The following TCF7L2 variants were observed in gnomAD, a reference collection of about 807,000 sequenced individuals.
TCF7L2 encodes transcription factor 7-like 2.
In TCF7L2, 23 loss-of-function variants were observed where a neutral mutation model predicts 77.9. The observed-to-expected ratio is 0.30, with a 90% CI of 0.21 to 0.42. TCF7L2 has a LOEUF of 0.42. Ranked by LOEUF, TCF7L2 falls within the 10% of genes least tolerant of loss-of-function variation. TCF7L2 has a pLI of 1.00. For missense variants in TCF7L2, 654 were observed against 793.1 expected (o/e 0.82, Z 2.11); for synonymous variants, 413 against 340.2 (o/e 1.21, Z -2.36).
intron 4 of TCF7L2, among the ~76,000 whole-genome samples, chr10:113,026,518 T>A (rs963460701): frequency 6.6e-5 from 10 of 152,150 alleles, no homozygotes; most frequent in African/African-American, 2.4e-4. Flanking sequence ...AGCTCCACAA[T>A]GGTGAATCAG....
At chr10:113,104,794 G>A (rs1442917112) in intron 5 of TCF7L2, among the ~76,000 whole-genome samples, 1 of 152,152 alleles carries the variant, frequency 6.6e-6, no homozygotes, top group African/African-American at 2.4e-5. Context: ...CTGGCTGTCT[G>A]GGGTCTTGGG....
intron 5 of TCF7L2, among the ~76,000 whole-genome samples, chr10:113,082,597 TTGTG>T (rs61608659): frequency 8.8e-4 from 132 of 150,002 alleles, no homozygotes; most frequent in African/African-American, 2.3e-3. Context: ...TTCATTCTGC[TTGTG>T]TGTGTGTGTG....
At chr10:112,997,377 C>T (rs2043665563) in intron 4 of TCF7L2, among the ~76,000 whole-genome samples, 3 of 152,174 alleles carry the variant, frequency 2.0e-5, no homozygotes, top group Admixed American at 1.3e-4. Flanking sequence ...AGGTTTGGAG[C>T]GGTTTTTGGT....
chr10:112,960,804 C>T (rs1264298094), intron 3 of TCF7L2, among the ~76,000 whole-genome samples: 3 of 151,958 alleles, frequency 2.0e-5, no homozygotes, highest in African/African-American at 7.3e-5. Context: ...TCTCCTGCCT[C>T]AGCCTCCCGA....
At chr10:113,033,693 T>C (rs1328725815) in intron 4 of TCF7L2, among the ~76,000 whole-genome samples, 1 of 152,236 alleles carries the variant, frequency 6.6e-6, no homozygotes. Flanking sequence ...TTCTATACAG[T>C]CATGCTTTAT....
intron 5 of TCF7L2, among the ~76,000 whole-genome samples, chr10:113,047,581 T>C (rs1240932622): frequency 6.6e-6 from 1 of 152,244 alleles, no homozygotes; most frequent in Non-Finnish European, 1.5e-5. Context: ...ACTCAGTTCA[T>C]TTAGGACTAT....
chr10:113,161,266 G>T (rs1161732544), intron 13 of TCF7L2: 2 of 415,338 alleles, frequency 4.8e-6, no homozygotes, highest in Admixed American at 4.0e-5. Context: ...GCATTGAACG[G>T]CATGCACCAG....
intron 4 of TCF7L2, among the ~76,000 whole-genome samples, chr10:113,011,524 C>G (rs116103758): frequency 6.6e-6 from 1 of 152,158 alleles, no homozygotes; most frequent in Non-Finnish European, 1.5e-5. Context: ...CTGCTACTAC[C>G]GTGAGTATTG....
chr10:113,081,963 G>C (rs1427041863), intron 5 of TCF7L2, among the ~76,000 whole-genome samples: 2 of 152,064 alleles, frequency 1.3e-5, no homozygotes, highest in Non-Finnish European at 2.9e-5. Context: ...TCAGCCTCCT[G>C]AGTATGTGGG....
chr10:112,971,882 G>C (rs989268974), intron 4 of TCF7L2, among the ~76,000 whole-genome samples: 3 of 152,072 alleles, frequency 2.0e-5, no homozygotes, highest in Admixed American at 6.5e-5. Context: ...CAAAGTGCTG[G>C]GATTACAGGT....
chr10:113,112,868 A>C (rs562166697), intron 5 of TCF7L2, among the ~76,000 whole-genome samples: 4 of 152,092 alleles, frequency 2.6e-5, no homozygotes, highest in Non-Finnish European at 5.9e-5. Flanking sequence ...GTGTATTCAG[A>C]TCCTCCTCCT....
At chr10:113,025,513 A>G (rs2048994437) in intron 4 of TCF7L2, among the ~76,000 whole-genome samples, 1 of 152,112 alleles carries the variant, frequency 6.6e-6, no homozygotes, top group African/African-American at 2.4e-5. Context: ...TGATGGGATT[A>G]TAGGCATGAG....
intron 11 of TCF7L2, among the ~76,000 whole-genome samples, chr10:113,156,601 C>G (rs773642625): frequency 6.6e-6 from 1 of 152,206 alleles, no homozygotes; most frequent in Non-Finnish European, 1.5e-5. Context: ...GAGAACTAGT[C>G]CAATCCGGAA....
At chr10:113,058,476 C>T (rs935644605) in intron 5 of TCF7L2, among the ~76,000 whole-genome samples, 2 of 152,008 alleles carry the variant, frequency 1.3e-5, no homozygotes, top group South Asian at 2.1e-4. Flanking sequence ...GGTTTTATAC[C>T]GGGTTTTGGT....
chr10:113,013,050 A>G (rs1269206364), intron 4 of TCF7L2, among the ~76,000 whole-genome samples: 5 of 151,804 alleles, frequency 3.3e-5, no homozygotes, highest in African/African-American at 9.7e-5. Flanking sequence ...GTAGGTCACC[A>G]AGCAGGGCAA....
At chr10:112,996,526 G>C (rs7069007) in intron 4 of TCF7L2, among the ~76,000 whole-genome samples, 5,056 of 152,284 alleles carry the variant, frequency 0.033, 245 homozygotes, top group African/African-American at 0.11. Flanking sequence ...TTGGCCTTCA[G>C]CATTTAGTGT....
At chr10:112,983,879 C>T (rs557254870) in intron 4 of TCF7L2, among the ~76,000 whole-genome samples, 5 of 152,270 alleles carry the variant, frequency 3.3e-5, no homozygotes, top group African/African-American at 1.2e-4. Flanking sequence ...TTAGTGGCCA[C>T]GAACCCAGGC....
At chr10:112,982,976 C>A (rs2040757541) in intron 4 of TCF7L2, among the ~76,000 whole-genome samples, 3 of 152,102 alleles carry the variant, frequency 2.0e-5, no homozygotes, top group Admixed American at 1.3e-4. Context: ...GTTGTGATAT[C>A]ATTTGTCTCC....
At chr10:113,041,644 G>A (rs543358428) in intron 5 of TCF7L2, among the ~76,000 whole-genome samples, 7 of 152,262 alleles carry the variant, frequency 4.6e-5, no homozygotes, top group African/African-American at 1.7e-4. Context: ...GAAGTTGCTG[G>A]TTGGGGGTTC....
Sources: gnomAD v4.1 joint callset for allele counts (sites outside exome capture counted in the v4.1 genomes callset) on GRCh38, gnomAD v4.1.1 for gene constraint, MANE v1.5 for transcripts, NCBI Gene and HGNC (gene_info 2026-07-23, HGNC 2026-07-21) for gene names.